Variants in POR observed in about 807,000 individuals in gnomAD.
POR encodes the protein cytochrome p450 oxidoreductase.
Under a neutral mutation model 84.0 loss-of-function variants are expected in POR, and 56 were observed. That is an observed-to-expected ratio of 0.67 (90% CI 0.54 to 0.83). The LOEUF (loss-of-function observed/expected upper bound fraction) is 0.83. Among genes scored for constraint, POR ranks in the 40% least tolerant of loss-of-function variants. The pLI is 0.00. For synonymous variants in POR, 414 were observed against 400.5 expected (o/e 1.03, Z -0.40); for missense variants, 938 against 944.3 (o/e 0.99, Z 0.09).
At chr7:75,948,890 G>A (rs1206964840) in intron 1 of POR, among the ~76,000 whole-genome samples, 7 of 152,134 alleles carry the variant, frequency 4.6e-5, no homozygotes, top group Non-Finnish European at 8.8e-5. Context: ...TGTGGCCAGG[G>A]GGCAGTTGTA....
At chr7:75,949,623 G>T (rs1334146562) in intron 1 of POR, among the ~76,000 whole-genome samples, 3 of 151,950 alleles carry the variant, frequency 2.0e-5, no homozygotes, top group Non-Finnish European at 4.4e-5. Flanking sequence ...GGGTTCAAAT[G>T]ATTCTCCAGC....
intron 1 of POR, among the ~76,000 whole-genome samples, chr7:75,924,415 C>T (rs1807018301): frequency 6.6e-6 from 1 of 152,190 alleles, no homozygotes; most frequent in South Asian, 2.1e-4. Context: ...GGCACAGTGG[C>T]TCATGCTTAT....
At position 75,975,814 on chromosome 7, in the gene POR, A is replaced by ATTTTTTTTTT. The variant is rs539245771; in HGVS notation, c.237+3361_237+3370dup. On this transcript the variant is annotated intron_variant, in intron 3 of 15. Transcript: ENST00000461988. ...TGTTGAGGAAAAAAAAGCTGTTCAGATTTTTTTTTTTTTTTTTGGTAGAGA... is the reference window on the plus strand; with the variant it reads ...TGTTGAGGAAAAAAAAGCTGTTCAGATTTTTTTTTTTTTTTTTTTTTTTTTTTGGTAGAGA... 2.8e-3 allele frequency among the ~76,000 whole-genome samples: 227 copies of ATTTTTTTTTT among 82,134 alleles called. 11 individuals carry two copies. Among genetic ancestry groups the ATTTTTTTTTT allele is most frequent in the African/African-American group, 3.8e-3 (87 of 23,148 alleles). The allele number at this position is 82,134 out of a possible 152,430, so 53.9% of individuals were successfully genotyped here.
intron 1 of POR, among the ~76,000 whole-genome samples, chr7:75,940,620 T>C (rs1350338712): frequency 6.7e-6 from 1 of 150,318 alleles, no homozygotes; most frequent in Admixed American, 6.6e-5. Context: ...CCATCTCTAC[T>C]AAAAACACAA....
At chr7:75,951,957 C>CG (rs1276651208) in intron 1 of POR, among the ~76,000 whole-genome samples, 3 of 151,052 alleles carry the variant, frequency 2.0e-5, no homozygotes, top group East Asian at 2.0e-4. Flanking sequence ...GCTGGCCGGG[C>CG]GGGGGGCTGA....
At chr7:75,955,123 T>C (rs1007944023) in intron 2 of POR, among the ~76,000 whole-genome samples, 13 of 152,224 alleles carry the variant, frequency 8.5e-5, no homozygotes, top group African/African-American at 3.1e-4. Flanking sequence ...ATTACAGGCG[T>C]GAGCCACTGT....
intron 2 of POR, among the ~76,000 whole-genome samples, chr7:75,969,002 A>G (rs1477878547): frequency 6.6e-6 from 1 of 152,184 alleles, no homozygotes; most frequent in Non-Finnish European, 1.5e-5. Flanking sequence ...TCTATTCCTG[A>G]GAAGACAGCC....
At chr7:75,981,390 C>T in intron 6 of POR, 127 bp from the exon 7 acceptor site, 1 of 1,209,294 alleles carries the variant, frequency 8.3e-7, no homozygotes. Flanking sequence ...GTTTATGTCG[C>T]TGGGTGCCCC....
At chr7:75,981,225 G>C in intron 6 of POR, 53 bp downstream of exon 6, 3 of 1,483,162 alleles carry the variant, frequency 2.0e-6, no homozygotes, top group Non-Finnish European at 2.7e-6. Context: ...GGCAGGGGCC[G>C]TGGAACGTGA....
chr7:75,985,182 A>AC lies in POR; in HGVS notation c.1374dup (p.Tyr459LeufsTer116), dbSNP rs782435049. On this transcript the variant is annotated frameshift_variant, in exon 12 of 16. Transcript: ENST00000461988. LOFTEE classifies it high-confidence loss of function. ...CTGCTGCCGCGCCTGCAGGCCCGCT[A>AC]CTACTCCATCGCCTCATCCTCCAAG... The AC allele has an allele frequency of 6.3e-7, 1 of 1,597,768 alleles. No individual in the cohort carries two copies. Among genetic ancestry groups the AC allele is most frequent in the East Asian group, 2.2e-5 (1 of 44,808 alleles).
At chr7:75,930,009 C>T (rs1278011814) in intron 1 of POR, among the ~76,000 whole-genome samples, 2 of 152,162 alleles carry the variant, frequency 1.3e-5, no homozygotes, top group Non-Finnish European at 2.9e-5. Context: ...GTCTTTAAAT[C>T]TCCCTCTGTA....
At chr7:75,936,270 AT>A (rs1361778706) in intron 1 of POR, among the ~76,000 whole-genome samples, 2,034 of 136,210 alleles carry the variant, frequency 0.015, 37 homozygotes, top group African/African-American at 0.04. Context: ...CACCTGGATA[AT>A]TTTTTTTTTT....
intron 1 of POR, among the ~76,000 whole-genome samples, chr7:75,938,345 T>C (rs1201300909): frequency 1.3e-5 from 2 of 152,192 alleles, no homozygotes; most frequent in Admixed American, 6.5e-5. Context: ...TACCTTCCTG[T>C]AGCAGCATTC....
At chr7:75,973,215 C>T (rs781869055) in intron 3 of POR, among the ~76,000 whole-genome samples, 4 of 152,286 alleles carry the variant, frequency 2.6e-5, no homozygotes, top group Non-Finnish European at 5.9e-5. Flanking sequence ...CTCTGCCACC[C>T]ACTCATCCCC....
intron 1 of POR, among the ~76,000 whole-genome samples, chr7:75,938,612 C>A (rs1450927915): frequency 1.3e-5 from 2 of 152,006 alleles, no homozygotes; most frequent in Admixed American, 1.3e-4. Flanking sequence ...TTTAAAAAAT[C>A]AGCTGGTATG....
At chr7:75,957,238 G>T (rs1787728239) in intron 2 of POR, among the ~76,000 whole-genome samples, 1 of 152,168 alleles carries the variant, frequency 6.6e-6, no homozygotes, top group South Asian at 2.1e-4. Context: ...ACCAAGTCCT[G>T]CAGGAGGGGT....
chr7:75,949,208 G>A (rs1787309878), intron 1 of POR, among the ~76,000 whole-genome samples: 2 of 152,056 alleles, frequency 1.3e-5, no homozygotes, highest in South Asian at 4.1e-4. Context: ...AGGCTGGAGT[G>A]CAGTGGCGTG....
chr7:75,957,093 C>G (rs1787721249), intron 2 of POR, among the ~76,000 whole-genome samples: 1 of 152,214 alleles, frequency 6.6e-6, no homozygotes, highest in African/African-American at 2.4e-5. Context: ...GGCCTCCTTG[C>G]AACAGCGCCG....
At chr7:75,983,023 G>A (rs1554558367) in intron 8 of POR, among the ~76,000 whole-genome samples, 1 of 152,162 alleles carries the variant, frequency 6.6e-6, no homozygotes, top group East Asian at 1.9e-4. Context: ...ACCCAGCTCT[G>A]CCCATGTGGT....
Sources: allele counts gnomAD v4.1 joint callset (sites outside exome capture counted in the v4.1 genomes callset), GRCh38; gene constraint gnomAD v4.1.1; transcripts MANE v1.5; gene names NCBI Gene and HGNC (gene_info 2026-07-23, HGNC 2026-07-21).